The following FRMPD4 variants were observed in gnomAD, a reference collection of about 807,000 sequenced individuals.
FRMPD4 encodes the protein FERM and PDZ domain containing 4.
FRMPD4 carries 22 observed loss-of-function variants against 94.1 expected under a neutral mutation model. The ratio of observed to expected loss-of-function variants is 0.23; its 90% CI spans 0.17 to 0.33. The LOEUF is 0.33. Among genes scored for constraint, FRMPD4 ranks in the 10% least tolerant of loss-of-function variants. The pLI, the probability that FRMPD4 is intolerant of heterozygous loss-of-function variation, is 1.00. For synonymous variants in FRMPD4, 631 were observed against 548.6 expected, an observed-to-expected ratio of 1.15 and a Z score of -2.10; for missense variants, 1,111 against 1,339.9, an observed-to-expected ratio of 0.83 and a Z score of 2.67.
chrX:12,440,480 G>A (rs745365771), intron 1 of FRMPD4, among the ~76,000 whole-genome samples: 1 of 111,605 alleles, frequency 9.0e-6, no homozygotes, highest in African/African-American at 3.2e-5. Context: ...GATCCTGCAG[G>A]GAGCTCTGGG....
intron 1 of FRMPD4, among the ~76,000 whole-genome samples, chrX:12,475,306 C>T (rs1039172610): frequency 4.5e-5 from 5 of 111,918 alleles, no homozygotes; most frequent in Admixed American, 3.8e-4. Context: ...ATTGATGGGA[C>T]GTATCTCAAA....
At chrX:12,417,866 C>T (rs1248384365) in intron 1 of FRMPD4, among the ~76,000 whole-genome samples, 1 of 107,048 alleles carries the variant, frequency 9.3e-6, no homozygotes, top group African/African-American at 3.4e-5. Flanking sequence ...TGGTGGTGGG[C>T]GCCTGTAGTC....
chrX:11,893,043 C>T (rs1360439615), intron 3 of FRMPD4, among the ~76,000 whole-genome samples: 1 of 112,353 alleles, frequency 8.9e-6, no homozygotes, highest in Non-Finnish European at 1.9e-5. Context: ...ATAGCTCCTA[C>T]GTATCCCTCA....
At chrX:12,263,548 G>A (rs1569210502) in intron 1 of FRMPD4, among the ~76,000 whole-genome samples, 1 of 111,687 alleles carries the variant, frequency 9.0e-6, no homozygotes, top group African/African-American at 3.3e-5. Context: ...GCCTATGCTG[G>A]CTTCTGTTTT....
intron 3 of FRMPD4, among the ~76,000 whole-genome samples, chrX:12,081,845 G>A (rs372044619): frequency 1.8e-5 from 2 of 111,479 alleles, no homozygotes; most frequent in Admixed American, 1.9e-4. Flanking sequence ...TATGATGTGA[G>A]GAGTGAGCCA....
chrX:11,830,251 T>C (rs2053467610), intron 1 of FRMPD4, among the ~76,000 whole-genome samples: 1 of 112,121 alleles, frequency 8.9e-6, no homozygotes, highest in Non-Finnish European at 1.9e-5. Flanking sequence ...CTTTTCTTTT[T>C]TCAACTTGAA....
At chrX:12,580,320 A>G (rs1278399535) in intron 2 of FRMPD4, among the ~76,000 whole-genome samples, 1 of 111,854 alleles carries the variant, frequency 8.9e-6, no homozygotes, top group Non-Finnish European at 1.9e-5. Flanking sequence ...AATCCCATAA[A>G]GGAGAAAGCC....
chrX:12,611,877 G>T (rs1446451740), intron 3 of FRMPD4, among the ~76,000 whole-genome samples: 1 of 78,204 alleles, frequency 1.3e-5, no homozygotes, highest in Non-Finnish European at 3.0e-5. Flanking sequence ...AACATGCTTT[G>T]TAAAAAAAAA....
intron 1 of FRMPD4, among the ~76,000 whole-genome samples, chrX:12,262,351 C>T (rs2054201808): frequency 1.8e-5 from 2 of 111,704 alleles, no homozygotes; most frequent in South Asian, 7.5e-4. Flanking sequence ...CTAAAGTGAT[C>T]CTCCTGCCTC....
intron 1 of FRMPD4, among the ~76,000 whole-genome samples, chrX:11,847,533 T>C (rs1418563090): frequency 1.8e-5 from 2 of 108,245 alleles, no homozygotes; most frequent in Non-Finnish European, 3.8e-5. Flanking sequence ...CATTAGTGGG[T>C]ATATACCCAA....
intron 5 of FRMPD4, among the ~76,000 whole-genome samples, chrX:12,675,557 G>T (rs1246290199): frequency 9.0e-6 from 1 of 111,124 alleles, no homozygotes; most frequent in Non-Finnish European, 1.9e-5. Flanking sequence ...CCAGTTGGAG[G>T]ACATTTCCAT....
intron 1 of FRMPD4, among the ~76,000 whole-genome samples, chrX:12,452,061 CCT>C (rs943586179): frequency 9.1e-6 from 1 of 110,179 alleles, no homozygotes; most frequent in African/African-American, 3.3e-5. Context: ...ACTCGTTTTT[CCT>C]CTGTTTACAG....
rs140928163 is a variant in FRMPD4 at position 12,185,882 on chromosome X, A to T, written c.41+46870A>T. Among the ~76,000 whole-genome samples, 9 of 111,549 alleles carry T rather than the reference A, an allele frequency of 8.1e-5. No homozygotes were observed. The East Asian group carries it at 2.5e-3, about 32-fold the overall frequency. On this transcript the variant is annotated intron_variant, in intron 1 of 16. Coordinates refer to ENST00000675598, the MANE Select transcript of FRMPD4 (RefSeq NM_001368397.1). ...GTCATAAAATTCCCTCTATTATAAGAAATCACTGCTGTCAAGTCCAGTCTG... is the reference window on the plus strand; with the variant it reads ...GTCATAAAATTCCCTCTATTATAAGTAATCACTGCTGTCAAGTCCAGTCTG...
chrX:12,355,331 A>G (rs1329192877), intron 1 of FRMPD4, among the ~76,000 whole-genome samples: 2 of 110,752 alleles, frequency 1.8e-5, no homozygotes, highest in East Asian at 5.7e-4. Context: ...GTGTGCCACC[A>G]CTAAGCCTGG....
intron 3 of FRMPD4, among the ~76,000 whole-genome samples, chrX:11,909,472 T>C (rs2053985162): frequency 9.0e-6 from 1 of 111,252 alleles, no homozygotes; most frequent in Admixed American, 9.6e-5. Flanking sequence ...ATTTTTCCAA[T>C]TTTATTAATC....
chrX:12,131,879 A>G (rs1295963248), intron 3 of FRMPD4, among the ~76,000 whole-genome samples: 2 of 112,438 alleles, frequency 1.8e-5, no homozygotes, highest in Non-Finnish European at 3.8e-5. Flanking sequence ...GGTATAAAGG[A>G]ACAAAAACGT....
chrX:12,686,787 T>C (rs2060028787), intron 7 of FRMPD4, among the ~76,000 whole-genome samples: 1 of 111,850 alleles, frequency 8.9e-6, no homozygotes, highest in Non-Finnish European at 1.9e-5. Context: ...GAGCCACAGG[T>C]GAGTTTTAGA....
chrX:12,210,717 C>T (rs761240307), intron 1 of FRMPD4, among the ~76,000 whole-genome samples: 3 of 109,617 alleles, frequency 2.7e-5, no homozygotes, highest in Admixed American at 2.0e-4. Flanking sequence ...GAAACTGCCC[C>T]GCCTCCCCCA....
chrX:11,921,804 C>T (rs1405187708), intron 3 of FRMPD4, among the ~76,000 whole-genome samples: 4 of 112,251 alleles, frequency 3.6e-5, no homozygotes, highest in African/African-American at 9.7e-5. Flanking sequence ...GGGATTGTTA[C>T]CACAGCGTAA....
Sources: gnomAD v4.1 joint callset for allele counts (sites outside exome capture counted in the v4.1 genomes callset) on GRCh38, gnomAD v4.1.1 for gene constraint, MANE v1.5 for transcripts, NCBI Gene and HGNC (gene_info 2026-07-23, HGNC 2026-07-21) for gene names.